Variants in GAS2 observed in about 807,000 individuals in gnomAD.
GAS2 encodes the protein growth arrest-specific protein 2.
GAS2 carries 20 observed loss-of-function variants against 37.5 expected under a neutral mutation model. That is an observed-to-expected ratio of 0.53 (90% CI 0.37 to 0.77). GAS2 has a LOEUF of 0.77. GAS2 is among the 30% of genes least tolerant of loss of function. GAS2 has a pLI of 0.00. For synonymous variants in GAS2, 144 were observed against 132.2 expected (o/e 1.09, Z -0.61); for missense variants, 336 against 373.4 (o/e 0.90, Z 0.82).
intron 3 of GAS2, among the ~76,000 whole-genome samples, chr11:22,721,256 G>T (rs370030186): frequency 6.6e-6 from 1 of 151,940 alleles, no homozygotes; most frequent in Non-Finnish European, 1.5e-5. Context: ...TACCTCCTGC[G>T]TGTAAAGCAC....
intron 2 of GAS2, among the ~76,000 whole-genome samples, chr11:22,682,869 TAAAAAAAAAAAAAAAAAGGAAAAAA>T (rs1472531829): frequency 1.3e-5 from 1 of 78,948 alleles, no homozygotes; most frequent in Non-Finnish European, 2.1e-5. Flanking sequence ...CACTTTCTGC[TAAAAAAAAAAAAAAAAAGGAAAAAA>T]AAAAAAAAAA....
At chr11:22,696,862 G>C (rs1484593056) in intron 3 of GAS2, among the ~76,000 whole-genome samples, 1 of 150,394 alleles carries the variant, frequency 6.6e-6, no homozygotes, top group South Asian at 2.1e-4. Context: ...CAGATGAGTA[G>C]GTTGCGAAAA....
At chr11:22,769,733 A>G (rs1854877990) in intron 7 of GAS2, among the ~76,000 whole-genome samples, 1 of 152,214 alleles carries the variant, frequency 6.6e-6, no homozygotes, top group African/African-American at 2.4e-5. Context: ...TACCTTTCAG[A>G]TAAACTGTCT....
intron 7 of GAS2, among the ~76,000 whole-genome samples, chr11:22,785,224 A>T (rs1215077377): frequency 1.3e-5 from 2 of 152,192 alleles, no homozygotes; most frequent in African/African-American, 4.8e-5. Context: ...CAGAAAGTGC[A>T]TCTTTATAGT....
At chr11:22,712,083 A>T (rs1851432601) in intron 3 of GAS2, among the ~76,000 whole-genome samples, 1 of 152,164 alleles carries the variant, frequency 6.6e-6, no homozygotes, top group African/African-American at 2.4e-5. Flanking sequence ...TCCTGGCTGG[A>T]GGCCAACCAA....
chr11:22,723,740 T>C (rs1340990699), intron 3 of GAS2, among the ~76,000 whole-genome samples: 1 of 151,854 alleles, frequency 6.6e-6, no homozygotes, highest in Non-Finnish European at 1.5e-5. Flanking sequence ...TTAAAGTGGC[T>C]CATTGTTTGG....
In GAS2 at chr11:22,685,636, T is replaced by C. The variant is rs746177899; in HGVS notation, c.146-32T>C. ...TTAGTGTGAATCTGACATTTGATTTTCCTTTTATAATGCTTCTTTTTGTTA... is the reference window on the plus strand; with the variant it reads ...TTAGTGTGAATCTGACATTTGATTTCCCTTTTATAATGCTTCTTTTTGTTA... On this transcript the variant is annotated intron_variant, in intron 2 of 7. Coordinates refer to ENST00000454584, the MANE Select transcript of GAS2 (RefSeq NM_001143830.3). 36 of 1,599,988 alleles carry C rather than the reference T, an allele frequency of 2.3e-5. No individual in the cohort carries two copies. The Admixed American group carries it at 5.7e-4, about 25-fold the overall frequency.
At chr11:22,649,150 C>T (rs924445496) in intron 1 of GAS2, among the ~76,000 whole-genome samples, 4 of 151,146 alleles carry the variant, frequency 2.6e-5, no homozygotes, top group East Asian at 1.9e-4. Flanking sequence ...TTGTCAAAGG[C>T]CTTTTCTGCA....
At chr11:22,688,647 A>G (rs1275953632) in intron 3 of GAS2, among the ~76,000 whole-genome samples, 1 of 152,180 alleles carries the variant, frequency 6.6e-6, no homozygotes, top group Admixed American at 6.5e-5. Flanking sequence ...AATTTTTTTC[A>G]GTTAGTAAAA....
chr11:22,748,955 G>A (rs1853568484), intron 5 of GAS2, among the ~76,000 whole-genome samples, 165 bp from the exon 6 acceptor site: 1 of 151,994 alleles, frequency 6.6e-6, no homozygotes, highest in East Asian at 1.9e-4. Context: ...CCTCTGCTTA[G>A]AAGGATGCTA....
chr11:22,788,671 A>G (rs1241618311), intron 7 of GAS2, among the ~76,000 whole-genome samples: 2 of 152,230 alleles, frequency 1.3e-5, no homozygotes, highest in Non-Finnish European at 2.9e-5. Context: ...ATGAATTGCC[A>G]GCAAATTCAA....
intron 7 of GAS2, among the ~76,000 whole-genome samples, chr11:22,764,374 C>A: frequency 6.6e-6 from 1 of 151,930 alleles, no homozygotes; most frequent in Non-Finnish European, 1.5e-5. Flanking sequence ...TCCTGGCTAA[C>A]ATGGTGAAAC....
At chr11:22,798,737 T>C (rs1856537406) in intron 7 of GAS2, among the ~76,000 whole-genome samples, 1 of 152,026 alleles carries the variant, frequency 6.6e-6, no homozygotes, top group Non-Finnish European at 1.5e-5. Flanking sequence ...TTGTTATTAG[T>C]AGTGCCTCAG....
At chr11:22,637,033 G>T (rs1858832677) in intron 1 of GAS2, among the ~76,000 whole-genome samples, 2 of 127,492 alleles carry the variant, frequency 1.6e-5, no homozygotes, top group Admixed American at 8.3e-5. Flanking sequence ...ATATATTCTG[G>T]TTATCTATTA....
At chr11:22,699,563 C>T (rs776446552) in intron 3 of GAS2, among the ~76,000 whole-genome samples, 10 of 152,086 alleles carry the variant, frequency 6.6e-5, no homozygotes, top group Non-Finnish European at 1.3e-4. Context: ...TTTCACAGTA[C>T]CACTGTTAGG....
At chr11:22,627,920 G>T (rs1326037245) in intron 1 of GAS2, among the ~76,000 whole-genome samples, 1 of 152,130 alleles carries the variant, frequency 6.6e-6, no homozygotes, top group Non-Finnish European at 1.5e-5. Flanking sequence ...AAAGAACCAG[G>T]CCTATTTAAG....
chr11:22,760,150 T>G (rs1435583142), intron 7 of GAS2, among the ~76,000 whole-genome samples: 1 of 151,956 alleles, frequency 6.6e-6, no homozygotes, highest in African/African-American at 2.4e-5. Context: ...TTTTTTTTTT[T>G]TTGTATTTTA....
intron 5 of GAS2, among the ~76,000 whole-genome samples, chr11:22,739,569 T>G (rs1222609180): frequency 1.0e-4 from 3 of 30,110 alleles, no homozygotes; most frequent in East Asian, 1.7e-3. Context: ...CAAGATTCGC[T>G]CTCAAAAAAA....
chr11:22,671,715 A>G (rs1475216171), intron 1 of GAS2, among the ~76,000 whole-genome samples: 1 of 152,126 alleles, frequency 6.6e-6, no homozygotes, highest in Non-Finnish European at 1.5e-5. Context: ...ACACTTCTTT[A>G]AAAAGTTACA....
Sources: gnomAD v4.1 joint callset for allele counts (sites outside exome capture counted in the v4.1 genomes callset) on GRCh38, gnomAD v4.1.1 for gene constraint, MANE v1.5 for transcripts, NCBI Gene and HGNC (gene_info 2026-07-23, HGNC 2026-07-21) for gene names.